IL1RAPL2: variants seen among roughly 807,000 people sequenced by gnomAD.
IL1RAPL2 encodes interleukin 1 receptor accessory protein like 2, also known as X-linked interleukin-1 receptor accessory protein-like 2.
In IL1RAPL2, 3 loss-of-function variants were observed where a neutral mutation model predicts 44.1. The observed-to-expected ratio is 0.07, with a 90% CI of 0.03 to 0.18. IL1RAPL2 has a LOEUF of 0.18. IL1RAPL2 is among the 10% of genes least tolerant of loss of function. The probability of loss-of-function intolerance (pLI) is 1.00; values close to 1 mark genes in which losing one functional copy is unlikely to be tolerated. For missense variants in IL1RAPL2, 391 were observed against 496.4 expected (o/e 0.79, Z 2.02); for synonymous variants, 181 against 178.8 (o/e 1.01, Z -0.10).
chrX:105,523,577 C>T (rs1333472937), intron 6 of IL1RAPL2, among the ~76,000 whole-genome samples: 1 of 111,140 alleles, frequency 9.0e-6, no homozygotes, highest in Non-Finnish European at 1.9e-5. Flanking sequence ...ATTGTTTCAT[C>T]CATCCCATTT....
At position 105,488,539 on chromosome X, in the gene IL1RAPL2, C is replaced by A. The variant is rs6652924; in HGVS notation, c.772+4152C>A. On this transcript the variant is annotated intron_variant, in intron 6 of 10. Coordinates refer to ENST00000372582, the MANE Select transcript of IL1RAPL2 (RefSeq NM_017416.2). ...TTCATGAGCAAAGTAAAGTGATTGTCATTTGCCATTAAGTTAGGGGTAGTT... is the reference window on the plus strand; with the variant it reads ...TTCATGAGCAAAGTAAAGTGATTGTAATTTGCCATTAAGTTAGGGGTAGTT... Among the ~76,000 whole-genome samples the A allele has an allele frequency of 1.4e-3, 153 of 112,505 alleles. 1 individual carries two copies. The highest frequency in any genetic ancestry group is 4.6e-3 in the African/African-American group (144 of 31,014).
chrX:105,312,290 C>T (rs998767696), intron 5 of IL1RAPL2, among the ~76,000 whole-genome samples: 3 of 111,985 alleles, frequency 2.7e-5, no homozygotes, highest in Non-Finnish European at 5.7e-5. Flanking sequence ...GCAGCCTATT[C>T]TCTTTTATTG....
intron 6 of IL1RAPL2, among the ~76,000 whole-genome samples, chrX:105,536,946 T>C (rs994536290): frequency 2.7e-5 from 3 of 111,752 alleles, no homozygotes; most frequent in Non-Finnish European, 5.6e-5. Flanking sequence ...TCCCTGTATT[T>C]TGAAGAGTAT....
At chrX:105,188,824 A>G (rs1792137248) in intron 2 of IL1RAPL2, among the ~76,000 whole-genome samples, 1 of 112,587 alleles carries the variant, frequency 8.9e-6, no homozygotes, top group South Asian at 3.7e-4. Flanking sequence ...ACAATGATGC[A>G]CAGATGAAAT....
At chrX:105,737,776 T>G (rs183018123) in intron 7 of IL1RAPL2, among the ~76,000 whole-genome samples, 24 of 111,664 alleles carry the variant, frequency 2.1e-4, no homozygotes, top group Non-Finnish European at 3.8e-4. Flanking sequence ...GAGTGTGGTG[T>G]TGTTTACCAA....
chrX:105,179,838 C>T (rs782092156), intron 2 of IL1RAPL2, among the ~76,000 whole-genome samples: 3 of 108,326 alleles, frequency 2.8e-5, no homozygotes, highest in South Asian at 4.0e-4. Context: ...ACACCGATTG[C>T]GTAACCTGTA....
chrX:105,159,209 C>T (rs777690994), intron 2 of IL1RAPL2, among the ~76,000 whole-genome samples: 1 of 112,531 alleles, frequency 8.9e-6, no homozygotes, highest in Non-Finnish European at 1.9e-5. Context: ...GTGGATCAGC[C>T]TTTTCCAGGC....
intron 2 of IL1RAPL2, among the ~76,000 whole-genome samples, chrX:104,736,264 T>G (rs908309221): frequency 2.7e-5 from 3 of 112,153 alleles, no homozygotes; most frequent in Non-Finnish European, 5.6e-5. Context: ...TTGTTTCAAA[T>G]GTATTACTAT....
At chrX:104,878,758 G>C (rs1189316523) in intron 2 of IL1RAPL2, among the ~76,000 whole-genome samples, 3 of 111,474 alleles carry the variant, frequency 2.7e-5, no homozygotes, top group African/African-American at 9.8e-5. Context: ...CTTGTTCCCT[G>C]TTTAAAGGGC....
intron 2 of IL1RAPL2, among the ~76,000 whole-genome samples, chrX:104,727,125 C>T (rs189483824): frequency 4.5e-5 from 5 of 110,667 alleles, no homozygotes; most frequent in African/African-American, 1.3e-4. Context: ...TAAATTAAAA[C>T]GTTTCTGCAC....
At chrX:105,666,698 C>G (rs1343140679) in intron 6 of IL1RAPL2, among the ~76,000 whole-genome samples, 1 of 111,698 alleles carries the variant, frequency 9.0e-6, no homozygotes, top group Non-Finnish European at 1.9e-5. Context: ...GGCAGTATGC[C>G]TTAACCCTAA....
At chrX:105,243,980 G>A (rs2034198123) in intron 4 of IL1RAPL2, among the ~76,000 whole-genome samples, 1 of 111,593 alleles carries the variant, frequency 9.0e-6, no homozygotes. Flanking sequence ...AAAGTCTTTA[G>A]ATAAAAATAT....
chrX:105,568,587 C>G (rs2036991788), intron 6 of IL1RAPL2, among the ~76,000 whole-genome samples: 1 of 112,006 alleles, frequency 8.9e-6, no homozygotes, highest in South Asian at 3.7e-4. Context: ...TGTAACAACA[C>G]TTTATGCAAT....
intron 1 of IL1RAPL2, among the ~76,000 whole-genome samples, chrX:104,651,556 C>A (rs1284094304): frequency 9.0e-6 from 1 of 111,678 alleles, no homozygotes; most frequent in Non-Finnish European, 1.9e-5. Flanking sequence ...ACACTGTCAG[C>A]TTTCAGACAG....
At chrX:105,012,597 T>TC (rs1491133916) in intron 2 of IL1RAPL2, among the ~76,000 whole-genome samples, 25 of 56,728 alleles carry the variant, frequency 4.4e-4, no homozygotes, top group South Asian at 8.4e-4. Context: ...TAACTTTCTC[T>TC]TTCTCTCTCT....
At chrX:105,198,975 T>C (rs140182226) in intron 3 of IL1RAPL2, among the ~76,000 whole-genome samples, 1,980 of 111,799 alleles carry the variant, frequency 0.018, 50 homozygotes, top group African/African-American at 0.059. Context: ...TGTTTATAAT[T>C]TTTCATTGTA....
chrX:104,865,687 G>T (rs888646598), intron 2 of IL1RAPL2, among the ~76,000 whole-genome samples: 1 of 112,402 alleles, frequency 8.9e-6, no homozygotes, highest in Non-Finnish European at 1.9e-5. Flanking sequence ...TGAGTGTTCC[G>T]CACTTCATCT....
Position 105,345,174 on chromosome X carries a change from T to C in IL1RAPL2, c.697+77633T>C, listed in dbSNP as rs748055642. On this transcript the variant is annotated intron_variant, in intron 5 of 10. Transcript: ENST00000372582. ...CTACATTTAATTCTGGAGAATAATC[T>C]ATAAATTCTTGAATAGATATGTCAA... Among the ~76,000 whole-genome samples the C allele has an allele frequency of 2.7e-5, 3 of 112,036 alleles. No homozygotes were observed. In the South Asian group the frequency reaches 1.1e-3, roughly 41 times the overall value.
intron 6 of IL1RAPL2, among the ~76,000 whole-genome samples, chrX:105,516,066 A>C (rs1260253510): frequency 9.0e-6 from 1 of 111,361 alleles, no homozygotes; most frequent in Non-Finnish European, 1.9e-5. Context: ...GAACAAAGGC[A>C]ACAAGTCAGG....
Sources: gnomAD v4.1 joint callset for allele counts (sites outside exome capture counted in the v4.1 genomes callset) on GRCh38, gnomAD v4.1.1 for gene constraint, MANE v1.5 for transcripts, NCBI Gene and HGNC (gene_info 2026-07-23, HGNC 2026-07-21) for gene names.